ABCA2: variants seen among roughly 807,000 people sequenced by gnomAD.
The protein encoded by ABCA2 is ATP binding cassette subfamily A member 2, also known as ATP-binding cassette sub-family A member 2.
ABCA2 carries 84 observed loss-of-function variants against 262.8 expected under a neutral mutation model. The observed-to-expected ratio is 0.32, with a 90% CI of 0.27 to 0.38. The LOEUF (loss-of-function observed/expected upper bound fraction) is 0.38, where lower values mean the gene tolerates loss of function less well. Ranked by LOEUF, ABCA2 falls within the 10% of genes least tolerant of loss-of-function variation. The pLI is 1.00. For synonymous variants in ABCA2, 1,696 were observed against 1,502.9 expected (o/e 1.13, Z -2.97); for missense variants, 2,662 against 3,405.9 (o/e 0.78, Z 5.44).
intron 20 of ABCA2, 48 bp downstream of exon 20, chr9:137,016,526 C>A: frequency 6.2e-7 from 1 of 1,612,338 alleles, no homozygotes; most frequent in Non-Finnish European, 8.5e-7. Flanking sequence ...CCACCCAGGA[C>A]TCTGAACCCA....
chr9:137,008,172 G>A (rs541911910), intron 48 of ABCA2: 15 of 808,726 alleles, frequency 1.9e-5, no homozygotes, highest in South Asian at 3.0e-5. Flanking sequence ...CCTGTTCCCC[G>A]GCTCTGGTCC....
chr9:137,019,277 G>A lies in ABCA2; in HGVS notation c.1455C>T (p.Asn485=), dbSNP rs760098450. The A allele has an allele frequency of 5.0e-6, 8 of 1,612,646 alleles. No homozygotes were observed. The highest frequency in any genetic ancestry group is 6.8e-6 in the Non-Finnish European group (8 of 1,179,868). ...GCCAGACCTGGGCATAGTGAGTCACGTTGCCCACAAAAGCAAAAGTCTCGT... is the reference window on the plus strand; with the variant it reads ...GCCAGACCTGGGCATAGTGAGTCACATTGCCCACAAAAGCAAAAGTCTCGT... The part of the protein sequence containing the change: ...KANETFAFVG[N]VTHYAQVWLN... Residue 485 remains asparagine, a synonymous_variant, in exon 11 of 49, where the codon AAC becomes AAT. Transcript: ENST00000341511. This position sits in a 1 kb window ranked among gnomAD's most constrained non-coding sequence, Gnocchi z 4.4.
At chr9:137,010,521 G>A (rs753158466) in intron 40 of ABCA2, 99 bp downstream of exon 40, 1 of 1,398,716 alleles carries the variant, frequency 7.1e-7, no homozygotes, top group Non-Finnish European at 9.8e-7. Flanking sequence ...CCAGAGCTCA[G>A]GGCCCTGCCC....
At position 137,021,094 on chromosome 9, in the gene ABCA2, G is replaced by C; in HGVS notation, c.898-33C>G. 6.9e-7 allele frequency: 1 copy of C among 1,456,694 alleles called. No homozygotes were observed. The highest frequency in any genetic ancestry group is 9.0e-7 in the Non-Finnish European group (1 of 1,105,702). 90.2% of individuals were successfully genotyped at this position (1,456,694 alleles called of 1,614,324 possible). A position where few individuals can be genotyped will look rare whatever the true frequency, so the allele number is the denominator to read the frequency against. ...GAAACAGGCACGTGGGCAGTGCGGGGTGAGATGGACTGCAGGTGGGTGATA... is the reference window on the plus strand; with the variant it reads ...GAAACAGGCACGTGGGCAGTGCGGGCTGAGATGGACTGCAGGTGGGTGATA... On this transcript the variant is annotated intron_variant, in intron 8 of 48. Coordinates refer to ENST00000341511, the MANE Select transcript of ABCA2 (RefSeq NM_001606.5). This position sits in a 1 kb window ranked among gnomAD's most constrained non-coding sequence, Gnocchi z 6.0.
chr9:137,018,117 C>G (rs1042156895), intron 14 of ABCA2, 42 bp from the exon 15 acceptor site: 1 of 1,609,630 alleles, frequency 6.2e-7, no homozygotes, highest in Non-Finnish European at 8.5e-7. Context: ...CAGGCCCTCT[C>G]GTCCTCACAC....
chr9:137,009,081 C>T lies in ABCA2; in HGVS notation c.6828-28G>A, dbSNP rs775650412. On this transcript the variant is annotated intron_variant, in intron 45 of 48. Coordinates refer to ENST00000341511, the MANE Select transcript of ABCA2 (RefSeq NM_001606.5). ...GGTGGGACAGGCCGGTGGCCCGGAG[C>T]CCTGCGCCGCCCAGCCAGAGCCCCA... 8.2e-6 allele frequency: 13 copies of T among 1,591,158 alleles called. 1 individual carries two copies. In the South Asian group the frequency reaches 1.4e-4, roughly 18 times the overall value.
Position 137,023,065 on chromosome 9 carries a change from C to G in ABCA2, c.164-13G>C. 6.4e-7 allele frequency: 1 copy of G among 1,559,070 alleles called. No individual in the cohort carries two copies. The highest frequency in any genetic ancestry group is 8.7e-7 in the Non-Finnish European group (1 of 1,150,076). The stretch of plus-strand genomic sequence containing the variant: ...GCTGTGTAGAAGGCTGGCAGACCCA[C>G]GGGAGAGGGCAGGGTCGGGGGTGAA... On this transcript the variant is annotated splice_polypyrimidine_tract_variant and intron_variant, in intron 3 of 48. Coordinates refer to ENST00000341511, the MANE Select transcript of ABCA2 (RefSeq NM_001606.5).
At chr9:137,027,776 C>T (rs531575298) in intron 1 of ABCA2, 1 of 152,454 alleles carries the variant, frequency 6.6e-6, no homozygotes, top group South Asian at 2.1e-4. Context: ...CGCTTGCCCC[C>T]CGCCCACAGC....
At position 137,020,379 on chromosome 9, in the gene ABCA2, A is replaced by C. The variant is rs780329883; in HGVS notation, c.1382T>G (p.Leu461Arg). The C allele has an allele frequency of 6.2e-7, 1 of 1,613,130 alleles. No homozygotes were observed. Among genetic ancestry groups the C allele is most frequent in the South Asian group, 1.1e-5 (1 of 91,084 alleles). Residue 461 changes from leucine to arginine, a missense_variant, in exon 10 of 49, where the codon CTG (leucine) becomes CGG (arginine). Physicochemically the swap from Leu to Arg is moderately radical, Grantham distance 102 (BLOSUM62 -2). Around this residue, in one of 12 missense-constraint regions of ABCA2, gnomAD observed 92 missense variants for 146.7 expected, o/e 0.63. Transcript: ENST00000341511. ...VHLMTSNPKI[L>R]YAPAGSEVDR... Reference sequence around the variant, plus strand: ...GACCTCAGAGCCCGCAGGCGCGTACAGGATTTTGGGGTTGCTGGTCATGAG... The same window carrying C: ...GACCTCAGAGCCCGCAGGCGCGTACCGGATTTTGGGGTTGCTGGTCATGAG...
At position 137,021,604 on chromosome 9, in the gene ABCA2, G is replaced by A; in HGVS notation, c.685C>T (p.Leu229=). 2 of 1,553,498 alleles carry A rather than the reference G, an allele frequency of 1.3e-6. No individual in the cohort carries two copies. Among genetic ancestry groups the A allele is most frequent in the Non-Finnish European group, 1.7e-6 (2 of 1,149,964 alleles). Residue 229 remains leucine (L), a synonymous_variant, in exon 8 of 49, where the codon CTG becomes TTG. Transcript: ENST00000341511. The surrounding 1 kb of genome is among the most constrained non-coding windows in gnomAD (Gnocchi z 6.0). ...TGCTCCAGGAGGGCAGGAGCCAGCA[G>A]CAGCTCCTGGGATGGGCACAGGGGT... The part of the protein sequence containing the change: ...GNPLFRMEEL[L]LAPALLEQLT...
Position 137,011,398 on chromosome 9 carries a change from C to A in ABCA2, c.5799+9G>T, listed in dbSNP as rs757989269. 6.2e-7 allele frequency: 1 copy of A among 1,609,692 alleles called. No individual in the cohort carries two copies. The highest frequency in any genetic ancestry group is 2.2e-5 in the East Asian group (1 of 44,768). On this transcript the variant is annotated intron_variant, in intron 37 of 48. Transcript: ENST00000341511. This position sits in a 1 kb window ranked among gnomAD's most constrained non-coding sequence, Gnocchi z 8.8. ...GTCCGCCACCCCCACCATGTCGTCACCGCCCCACCTTGTCGTGCTCGAAGA... is the reference window on the plus strand; with the variant it reads ...GTCCGCCACCCCCACCATGTCGTCAACGCCCCACCTTGTCGTGCTCGAAGA...
intron 5 of ABCA2, 25 bp from the exon 6 acceptor site, chr9:137,022,503 G>A (rs749859286): frequency 6.2e-7 from 1 of 1,606,988 alleles, no homozygotes; most frequent in Non-Finnish European, 8.5e-7. Flanking sequence ...AGGCGAGGCT[G>A]AGAGGCCGCT....
In ABCA2 at chr9:137,018,231, C is replaced by A. The variant is rs1288025175; in HGVS notation, c.1940G>T (p.Gly647Val). The A allele has an allele frequency of 6.2e-7, 1 of 1,610,624 alleles. No individual in the cohort carries two copies. Among genetic ancestry groups the A allele is most frequent in the African/African-American group, 1.3e-5 (1 of 74,218 alleles). ...GTAGAAGCGGCCGCCAGTATTGGGC[C>A]CAGGCCGCCAGTAGGCGCGGCGGAT... Reference protein sequence around the residue: ...NEIRRAYWRPGPNTGGRFYFL... With the variant: ...NEIRRAYWRPVPNTGGRFYFL... Residue 647 changes from glycine to valine, a missense_variant, in exon 14 of 49, where the codon GGG becomes GTG. Physicochemically the swap from Gly to Val is moderately radical, Grantham distance 109 (BLOSUM62 -3). Coordinates refer to ENST00000341511, the MANE Select transcript of ABCA2 (RefSeq NM_001606.5).
At position 137,009,362 on chromosome 9, in the gene ABCA2, CGG is replaced by C; in HGVS notation, c.6827+6_6827+7del. 6.3e-7 allele frequency: 1 copy of C among 1,585,354 alleles called. No individual in the cohort carries two copies. ...CCCCAGCCCACCCCTGGCCCTGCCC[CGG>C]CTCACCGGTTCTTCAGGTGCTGGAT... On this transcript the variant is annotated splice_donor_region_variant and intron_variant, in intron 45 of 48. Transcript: ENST00000341511.
Position 137,019,476 on chromosome 9 carries a change from G to C in ABCA2, c.1426-170C>G. 2 of 709,496 alleles carry C rather than the reference G, an allele frequency of 2.8e-6. No homozygotes were observed. Among genetic ancestry groups the C allele is most frequent in the Non-Finnish European group, 4.5e-6 (2 of 445,828 alleles). 44.0% of individuals were successfully genotyped at this position (709,496 alleles called of 1,614,324 possible). On this transcript the variant is annotated intron_variant, in intron 10 of 48. Coordinates refer to ENST00000341511, the MANE Select transcript of ABCA2 (RefSeq NM_001606.5). The surrounding 1 kb of genome is among the most constrained non-coding windows in gnomAD (Gnocchi z 4.4). ...GGGTCTCAGTCACCCACGCTGGAGT[G>C]CAGTGGTGCAGTCCCAGCTCACTGC...
chr9:137,008,585 A>G lies in ABCA2; in HGVS notation c.7106T>C (p.Leu2369Pro). ...TGGCGGCTCCGTCTCCTGCTGCTCC[A>G]GGTTGTCACTCTGCTTCTTGGCAAA... is the stretch of plus-strand genomic sequence containing the variant. ...VNFAKKQSDNLEQQETEPPSA... is the reference protein window; with the variant it reads ...VNFAKKQSDNPEQQETEPPSA... The change falls in exon 48 of 49, where the codon CTG (leucine) becomes CCG (proline). Residue 2369 changes from leucine (L) to proline (P), a missense_variant. By Grantham distance (98) the Leu-to-Pro change is moderately conservative (BLOSUM62 -3). Transcript: ENST00000341511. 4 of 1,597,082 alleles carry G rather than the reference A, an allele frequency of 2.5e-6. No homozygotes were observed. The highest frequency in any genetic ancestry group is 3.4e-6 in the Non-Finnish European group (4 of 1,171,884).
intron 5 of ABCA2, 67 bp from the exon 6 acceptor site, chr9:137,022,545 G>T: frequency 6.3e-7 from 1 of 1,579,650 alleles, no homozygotes; most frequent in East Asian, 2.3e-5. Flanking sequence ...ACATGCGCTC[G>T]GAGCCGAGCC....
In ABCA2 at chr9:137,023,066, G is replaced by T; in HGVS notation, c.164-14C>A. ...CTGTGTAGAAGGCTGGCAGACCCAC[G>T]GGAGAGGGCAGGGTCGGGGGTGAAA... On this transcript the variant is annotated splice_polypyrimidine_tract_variant and intron_variant, in intron 3 of 48. Transcript: ENST00000341511. 6.4e-7 allele frequency: 1 copy of T among 1,566,020 alleles called. No individual in the cohort carries two copies. Among genetic ancestry groups the T allele is most frequent in the Admixed American group, 1.9e-5 (1 of 53,292 alleles).
In ABCA2 at chr9:137,011,784, G is replaced by A; in HGVS notation, c.5536-35C>T. On this transcript the variant is annotated intron_variant, in intron 35 of 48. Transcript: ENST00000341511. This position sits in a 1 kb window ranked among gnomAD's most constrained non-coding sequence, Gnocchi z 8.8. ...TGGGGGCGGCTGGTGAGAGACCCGG[G>A]GCAGGGCGGGGATGGGGGATGAGAA... The A allele has an allele frequency of 6.5e-7, 1 of 1,549,900 alleles. No homozygotes were observed. Among genetic ancestry groups the A allele is most frequent in the East Asian group, 2.4e-5 (1 of 40,932 alleles).
Sources: allele counts gnomAD v4.1 joint callset, GRCh38; gene constraint gnomAD v4.1.1; regional missense constraint gnomAD v4.1.1; non-coding constraint Gnocchi (gnomAD v3.1); transcripts MANE v1.5; gene names NCBI Gene and HGNC (gene_info 2026-07-23, HGNC 2026-07-21).